Variants in TRIM16 observed in about 807,000 individuals in gnomAD.
TRIM16 encodes the protein tripartite motif containing 16.
A neutral mutation model predicts 50.4 loss-of-function variants in TRIM16; 33 were observed. The ratio of observed to expected loss-of-function variants is 0.65; its 90% CI spans 0.50 to 0.88. The LOEUF (loss-of-function observed/expected upper bound fraction) is 0.88, where lower values mean the gene tolerates loss of function less well. Among genes scored for constraint, TRIM16 ranks in the 40% least tolerant of loss-of-function variants. The pLI, the probability that TRIM16 is intolerant of heterozygous loss-of-function variation, is 0.00. For synonymous variants in TRIM16, 229 were observed against 270.7 expected (o/e 0.85, Z 1.51); for missense variants, 581 against 686.8 (o/e 0.85, Z 1.72).
At chr17:15,631,855 CTCA>C in intron 10 of TRIM16, 141 bp from the exon 11 acceptor site, 1 of 697,912 alleles carries the variant, frequency 1.4e-6, no homozygotes, top group East Asian at 2.7e-5. Flanking sequence ...CAGAAATACG[CTCA>C]ATAGACTACA....
At position 15,651,153 on chromosome 17, in the gene TRIM16, AGT is replaced by A. The variant is rs879000045; in HGVS notation, c.455_456del (p.Asp152ValfsTer23). The A allele has an allele frequency of 3.7e-6, 6 of 1,614,202 alleles. No individual in the cohort carries two copies. The South Asian group carries it at 4.4e-5, about 12-fold the overall frequency. On this transcript the variant is annotated frameshift_variant, in exon 7 of 12. Coordinates refer to ENST00000649191, the MANE Select transcript of TRIM16 (RefSeq NM_001348119.1). LOFTEE classifies it high-confidence loss of function. ...CCPDQQCICQ[D>X]CCQEHSGHTI... is the part of the protein sequence containing the mutation. Reference sequence around the variant, plus strand: ...GTGTGGCCACTGTGCTCCTGGCAACAGTCCTGGCAGATGCACTGCTGATCAGG... The same window carrying A: ...GTGTGGCCACTGTGCTCCTGGCAACACCTGGCAGATGCACTGCTGATCAGG...
At chr17:15,659,506 G>A (rs769989207) in intron 6 of TRIM16, among the ~76,000 whole-genome samples, 10 of 152,002 alleles carry the variant, frequency 6.6e-5, no homozygotes, top group Non-Finnish European at 1.3e-4. Flanking sequence ...CATTTTATGC[G>A]GCACATAGCA....
chr17:15,630,188 G>C (rs572256991), intron 11 of TRIM16, among the ~76,000 whole-genome samples: 121 of 152,052 alleles, frequency 8.0e-4, no homozygotes, highest in African/African-American at 2.7e-3. Context: ...TTGAGCCTTT[G>C]GTACAGCCTG....
chr17:15,630,122 TTGATTACTACATTTCCACCGTGC>T (rs1986340072), intron 11 of TRIM16, among the ~76,000 whole-genome samples: 1 of 152,152 alleles, frequency 6.6e-6, no homozygotes, highest in Non-Finnish European at 1.5e-5. Context: ...ACTCTCTCCC[TTGATTACTACATTTCCACCGTGC>T]TGACCTCAGA....
In TRIM16 at chr17:15,683,321, A is replaced by C. The variant is rs1053024064; in HGVS notation, c.-898-164T>G. On this transcript the variant is annotated intron_variant, in intron 1 of 11. Transcript: ENST00000649191. Reference sequence around the variant, plus strand: ...ATTTAATCTTCAGGAAGCCCTGAACACAGGCAAGTCTCAGTACCTTTATAC... The same window carrying C: ...ATTTAATCTTCAGGAAGCCCTGAACCCAGGCAAGTCTCAGTACCTTTATAC... The C allele has an allele frequency of 8.7e-6, 5 of 577,474 alleles. No individual in the cohort carries two copies. The African/African-American group carries it at 9.4e-5, about 11-fold the overall frequency. The allele number at this position is 577,474 out of a possible 1,614,324, so 35.8% of individuals were successfully genotyped here.
intron 11 of TRIM16, 66 bp from the exon 12 acceptor site, chr17:15,629,264 A>C (rs1986281134): frequency 2.0e-6 from 2 of 998,530 alleles, no homozygotes. Flanking sequence ...AGAATGCTTT[A>C]AACCCAGCTG....
At chr17:15,664,716 T>C (rs1047333578) in intron 6 of TRIM16, among the ~76,000 whole-genome samples, 2 of 151,668 alleles carry the variant, frequency 1.3e-5, no homozygotes, top group African/African-American at 4.9e-5. Flanking sequence ...TCATGATGTG[T>C]CTTATATCTG....
At chr17:15,633,511 C>T (rs374018652) in intron 9 of TRIM16, among the ~76,000 whole-genome samples, 42 of 140,852 alleles carry the variant, frequency 3.0e-4, no homozygotes, top group Non-Finnish European at 5.2e-4. Flanking sequence ...TGGGGGAAAA[C>T]GTTATCTTTT....
At chr17:15,642,386 T>C (rs998242817) in intron 8 of TRIM16, among the ~76,000 whole-genome samples, 4 of 149,064 alleles carry the variant, frequency 2.7e-5, no homozygotes, top group African/African-American at 7.4e-5. Context: ...AGATAACGTA[T>C]AGTTTTTGGA....
In TRIM16 at chr17:15,628,526, C is replaced by A. The variant is rs1003411563; in HGVS notation, c.*89G>T. The A allele has an allele frequency of 4.4e-6, 6 of 1,372,406 alleles. No homozygotes were observed. The Admixed American group carries it at 1.3e-4, about 31-fold the overall frequency. 85.0% of individuals were successfully genotyped at this position (1,372,406 alleles called of 1,614,324 possible). On this transcript the variant is annotated 3_prime_UTR_variant, in exon 12 of 12. Transcript: ENST00000649191. ...CCATAGGATTTCAAAAGCCAGCTAC[C>A]ATCAGCAGTTATTTCTGCCCCCAAA...
intron 9 of TRIM16, 128 bp from the exon 10 acceptor site, chr17:15,632,802 T>C: frequency 2.4e-6 from 3 of 1,271,462 alleles, no homozygotes; most frequent in Non-Finnish European, 3.1e-6. Context: ...ACAAAGAAAG[T>C]ACATGTGAAG....
chr17:15,652,612 C>G (rs1200774555), intron 6 of TRIM16, among the ~76,000 whole-genome samples: 1 of 151,402 alleles, frequency 6.6e-6, no homozygotes, highest in African/African-American at 2.4e-5. Flanking sequence ...AGGCACCCAC[C>G]ACCACGCCTG....
chr17:15,640,061 A>G (rs1427339739), intron 8 of TRIM16, among the ~76,000 whole-genome samples: 1 of 149,402 alleles, frequency 6.7e-6, no homozygotes, highest in Non-Finnish European at 1.5e-5. Context: ...TTCTTAGATA[A>G]GGAAACTAAG....
chr17:15,646,969 CTT>C (rs145313229), intron 7 of TRIM16, among the ~76,000 whole-genome samples: 14 of 140,450 alleles, frequency 1.0e-4, no homozygotes, highest in Non-Finnish European at 7.8e-5. Context: ...GAAATAAATT[CTT>C]TTTTTTTTTT....
In TRIM16 at chr17:15,636,105, G is replaced by T. The variant is rs1436276114; in HGVS notation, c.780C>A (p.Ala260=). The change falls in exon 9 of 12, where the codon GCC becomes GCA. Residue 260 remains alanine (A), a synonymous_variant. Coordinates refer to ENST00000649191, the MANE Select transcript of TRIM16 (RefSeq NM_001348119.1). ...GCTCCTGCTTGCTCTTCTCCATCTCGGCACTCCTGTACTCCAGGTGGGCCT... is the reference window on the plus strand; with the variant it reads ...GCTCCTGCTTGCTCTTCTCCATCTCTGCACTCCTGTACTCCAGGTGGGCCT... ...GIKAHLEYRS[A]EMEKSKQELE... 6 of 1,609,416 alleles carry T rather than the reference G, an allele frequency of 3.7e-6. 1 individual carries two copies. The African/African-American group carries it at 6.8e-5, about 18-fold the overall frequency.
At chr17:15,681,527 C>T (rs553014626) in intron 3 of TRIM16, among the ~76,000 whole-genome samples, 9 of 151,802 alleles carry the variant, frequency 5.9e-5, no homozygotes, top group African/African-American at 1.5e-4. Context: ...GCACTGAGCA[C>T]GGTGTACTTG....
In TRIM16 at chr17:15,683,093, T is replaced by C. The variant is rs1989248412; in HGVS notation, c.-834A>G. 1 of 1,550,586 alleles carries C rather than the reference T, an allele frequency of 6.4e-7. No individual in the cohort carries two copies. On this transcript the variant is annotated 5_prime_UTR_variant, in exon 2 of 12. Coordinates refer to ENST00000649191, the MANE Select transcript of TRIM16 (RefSeq NM_001348119.1). The stretch of plus-strand genomic sequence containing the variant: ...ATAATCATAGCCTTTGCTTCACTAT[T>C]TGGGTGTAGCAACCTTTCCGTTCTC...
At chr17:15,664,477 G>A (rs998215845) in intron 6 of TRIM16, among the ~76,000 whole-genome samples, 1 of 152,068 alleles carries the variant, frequency 6.6e-6, no homozygotes, top group African/African-American at 2.4e-5. Context: ...CGAGGTGGGC[G>A]GATCACTTGA....
At chr17:15,666,275 T>C (rs1317848391) in intron 6 of TRIM16, among the ~76,000 whole-genome samples, 1 of 152,176 alleles carries the variant, frequency 6.6e-6, no homozygotes, top group Non-Finnish European at 1.5e-5. Flanking sequence ...AGAGATAGGG[T>C]CTCACTGTAT....
Sources: allele counts gnomAD v4.1 joint callset (sites outside exome capture counted in the v4.1 genomes callset), GRCh38; gene constraint gnomAD v4.1.1; transcripts MANE v1.5; gene names NCBI Gene and HGNC (gene_info 2026-07-23, HGNC 2026-07-21).